The following ZMAT4 variants were observed in gnomAD, a reference collection of about 807,000 sequenced individuals.
ZMAT4 encodes zinc finger matrin-type 4.
In ZMAT4, 17 loss-of-function variants were observed where a neutral mutation model predicts 28.7. That is an observed-to-expected ratio of 0.59 (90% CI 0.41 to 0.89). The LOEUF (loss-of-function observed/expected upper bound fraction) is 0.89. Ranked by LOEUF, ZMAT4 falls within the 40% of genes least tolerant of loss-of-function variation. The pLI is 0.00. For synonymous variants in ZMAT4, 117 were observed against 109.2 expected, an observed-to-expected ratio of 1.07 and a Z score of -0.44; for missense variants, 240 against 283.8, an observed-to-expected ratio of 0.85 and a Z score of 1.11.
At chr8:40,774,782 A>T (rs563381244) in intron 2 of ZMAT4, among the ~76,000 whole-genome samples, 5 of 152,154 alleles carry the variant, frequency 3.3e-5, no homozygotes, top group African/African-American at 1.2e-4. Context: ...CAAGGCAAAG[A>T]TCTAGGAAGA....
intron 5 of ZMAT4, among the ~76,000 whole-genome samples, chr8:40,673,582 A>G (rs915970775): frequency 3.3e-5 from 5 of 152,162 alleles, no homozygotes; most frequent in Non-Finnish European, 5.9e-5. Context: ...TTGCAGAATT[A>G]TTTTTATTTT....
At chr8:40,821,850 A>G (rs778212056) in intron 2 of ZMAT4, among the ~76,000 whole-genome samples, 2 of 152,130 alleles carry the variant, frequency 1.3e-5, no homozygotes, top group African/African-American at 2.4e-5. Flanking sequence ...TCCTAACACA[A>G]TGATGCCAGG....
At chr8:40,886,909 C>G (rs1023413412) in intron 1 of ZMAT4, among the ~76,000 whole-genome samples, 3 of 152,174 alleles carry the variant, frequency 2.0e-5, no homozygotes, top group African/African-American at 4.8e-5. Flanking sequence ...CAGTGGCTCA[C>G]GCCTATAATC....
At chr8:40,772,933 G>A (rs1813441867) in intron 2 of ZMAT4, among the ~76,000 whole-genome samples, 1 of 152,124 alleles carries the variant, frequency 6.6e-6, no homozygotes. Flanking sequence ...GCTGATGCGA[G>A]ATGAGGGACT....
At chr8:40,756,889 G>A (rs964954002) in intron 3 of ZMAT4, among the ~76,000 whole-genome samples, 1 of 151,996 alleles carries the variant, frequency 6.6e-6, no homozygotes, top group Non-Finnish European at 1.5e-5. Flanking sequence ...CTGAGCTCAC[G>A]GCCAGCATTA....
chr8:40,536,797 TAAG>T (rs2118360268), intron 6 of ZMAT4, among the ~76,000 whole-genome samples: 1 of 151,956 alleles, frequency 6.6e-6, no homozygotes, highest in South Asian at 2.1e-4. Flanking sequence ...AACAAAACTT[TAAG>T]AAAATGCCCA....
intron 2 of ZMAT4, among the ~76,000 whole-genome samples, chr8:40,812,935 AAAATTAAATTAAATTAAATT>A (rs67062060): frequency 1.0e-4 from 8 of 78,042 alleles, no homozygotes; most frequent in South Asian, 3.7e-4. Context: ...CTCCATCTCA[AAAATTAAATTAAATTAAATT>A]AAATTAAATT....
intron 2 of ZMAT4, among the ~76,000 whole-genome samples, chr8:40,821,916 G>A (rs935071809): frequency 5.3e-5 from 8 of 151,894 alleles, no homozygotes; most frequent in African/African-American, 1.5e-4. Flanking sequence ...CATTCCACTC[G>A]CCCCTAAACT....
At chr8:40,694,692 G>A (rs1809800798) in intron 4 of ZMAT4, among the ~76,000 whole-genome samples, 1 of 152,098 alleles carries the variant, frequency 6.6e-6, no homozygotes, top group African/African-American at 2.4e-5. Flanking sequence ...CCTCAGAAGT[G>A]AAGTTTTTCT....
chr8:40,894,588 T>C (rs949700324), intron 1 of ZMAT4, among the ~76,000 whole-genome samples: 7 of 152,116 alleles, frequency 4.6e-5, no homozygotes, highest in Non-Finnish European at 1.0e-4. Flanking sequence ...AAATGAAAGA[T>C]GAAGAGGGAA....
chr8:40,895,707 T>C (rs1400484110), intron 1 of ZMAT4, among the ~76,000 whole-genome samples: 1 of 152,178 alleles, frequency 6.6e-6, no homozygotes, highest in Non-Finnish European at 1.5e-5. Flanking sequence ...TAATGTTTCC[T>C]ATCACGATAG....
chr8:40,817,695 C>T (rs543335023), intron 2 of ZMAT4, among the ~76,000 whole-genome samples: 3 of 152,288 alleles, frequency 2.0e-5, no homozygotes, highest in Non-Finnish European at 2.9e-5. Context: ...GCCACATTCC[C>T]ACTCAACAGG....
intron 3 of ZMAT4, among the ~76,000 whole-genome samples, chr8:40,752,316 T>C (rs1812484579): frequency 6.6e-6 from 1 of 152,168 alleles, no homozygotes; most frequent in East Asian, 1.9e-4. Context: ...CCCTGACTTC[T>C]CCTCCTTCCC....
intron 1 of ZMAT4, among the ~76,000 whole-genome samples, chr8:40,880,428 C>G (rs536651517): frequency 6.6e-6 from 1 of 151,970 alleles, no homozygotes; most frequent in South Asian, 2.1e-4. Context: ...AAGAGGGCAC[C>G]AATTAAAGTT....
chr8:40,653,513 T>C (rs1023329254), intron 5 of ZMAT4, among the ~76,000 whole-genome samples: 1 of 152,086 alleles, frequency 6.6e-6, no homozygotes, highest in Non-Finnish European at 1.5e-5. Context: ...AATATCTAGC[T>C]AAATTGACAA....
At chr8:40,854,842 A>C (rs1817239363) in intron 1 of ZMAT4, among the ~76,000 whole-genome samples, 1 of 152,170 alleles carries the variant, frequency 6.6e-6, no homozygotes, top group Non-Finnish European at 1.5e-5. Flanking sequence ...AGGAGGAGAA[A>C]TACTGCGAGA....
At chr8:40,820,237 C>G (rs900372874) in intron 2 of ZMAT4, among the ~76,000 whole-genome samples, 4 of 126,526 alleles carry the variant, frequency 3.2e-5, no homozygotes, top group African/African-American at 1.2e-4. Context: ...TGTGTGTGTA[C>G]GTGTGCGCAT....
At chr8:40,643,495 G>A (rs1457677760) in intron 5 of ZMAT4, among the ~76,000 whole-genome samples, 1 of 152,138 alleles carries the variant, frequency 6.6e-6, no homozygotes, top group Non-Finnish European at 1.5e-5. Flanking sequence ...TACTTCTTTA[G>A]CGCATATCAA....
At chr8:40,574,760 A>C (rs1804206597) in intron 6 of ZMAT4, among the ~76,000 whole-genome samples, 1 of 152,148 alleles carries the variant, frequency 6.6e-6, no homozygotes, top group Admixed American at 6.5e-5. Flanking sequence ...ATGTGGAGAA[A>C]AGATAGGCAG....
Sources: allele counts gnomAD v4.1 joint callset (sites outside exome capture counted in the v4.1 genomes callset), GRCh38; gene constraint gnomAD v4.1.1; transcripts MANE v1.5; gene names NCBI Gene and HGNC (gene_info 2026-07-23, HGNC 2026-07-21).